The following STAU2 variants were observed in gnomAD, a reference collection of about 807,000 sequenced individuals.
STAU2 encodes double-stranded RNA-binding protein Staufen homolog 2.
In STAU2, 20 loss-of-function variants were observed where a neutral mutation model predicts 65.9. The observed-to-expected ratio is 0.30, with a 90% CI of 0.21 to 0.44. The LOEUF (loss-of-function observed/expected upper bound fraction) is 0.44. STAU2 is among the 20% of genes least tolerant of loss of function. The pLI is 1.00. For missense variants in STAU2, 558 were observed against 683.9 expected (o/e 0.82, Z 2.05); for synonymous variants, 232 against 233.9 (o/e 0.99, Z 0.07).
chr8:73,746,351 C>T (rs1286221622), intron 1 of STAU2, among the ~76,000 whole-genome samples: 1 of 151,728 alleles, frequency 6.6e-6, no homozygotes, highest in Non-Finnish European at 1.5e-5. Context: ...GCAGCCACAC[C>T]GTGGCTGCAC....
chr8:73,727,303 C>T (rs1012123758), intron 3 of STAU2, among the ~76,000 whole-genome samples: 11 of 152,152 alleles, frequency 7.2e-5, no homozygotes, highest in Non-Finnish European at 1.6e-4. Flanking sequence ...TGTACAACTA[C>T]CACCTATACC....
intron 13 of STAU2, among the ~76,000 whole-genome samples, chr8:73,494,967 C>T (rs960925702): frequency 2.2e-4 from 33 of 151,530 alleles, no homozygotes; most frequent in Admixed American, 2.0e-3. Context: ...TACTGCAAAG[C>T]CCAGAAGGTC....
intron 3 of STAU2, among the ~76,000 whole-genome samples, chr8:73,730,564 T>C (rs1805976333): frequency 6.6e-6 from 1 of 151,884 alleles, no homozygotes; most frequent in South Asian, 2.1e-4. Context: ...CCGTCTCTAC[T>C]AAAAATACAA....
rs562675856 is a variant in STAU2, at chr8:73,589,624, C to A, written c.1161+5542G>T. Among the ~76,000 whole-genome samples the A allele has an allele frequency of 1.4e-4, 21 of 152,214 alleles. No individual in the cohort carries two copies. The South Asian group carries it at 3.3e-3, about 24-fold the overall frequency. Reference sequence around the variant, plus strand: ...ATAATGCATTAATTCAGACTGCACACAGCTGAAGAAATATTGTTGAACTTG... The same window carrying A: ...ATAATGCATTAATTCAGACTGCACAAAGCTGAAGAAATATTGTTGAACTTG... On this transcript the variant is annotated intron_variant, in intron 11 of 14. Transcript: ENST00000524300.
At chr8:73,732,233 G>A (rs990067171) in intron 3 of STAU2, among the ~76,000 whole-genome samples, 2 of 152,184 alleles carry the variant, frequency 1.3e-5, no homozygotes, top group East Asian at 1.9e-4. Flanking sequence ...CCTCCCCATC[G>A]GGCCATTCAC....
chr8:73,600,171 C>T (rs1430339055), intron 10 of STAU2, among the ~76,000 whole-genome samples: 3 of 152,164 alleles, frequency 2.0e-5, no homozygotes, highest in Admixed American at 6.5e-5. Context: ...AAACAATGTA[C>T]AAATGATATA....
At chr8:73,505,233 A>C (rs1821996096) in intron 13 of STAU2, among the ~76,000 whole-genome samples, 1 of 151,510 alleles carries the variant, frequency 6.6e-6, no homozygotes, top group African/African-American at 2.4e-5. Context: ...AAATGGCAGA[A>C]GAGATTTTTT....
intron 13 of STAU2, among the ~76,000 whole-genome samples, chr8:73,428,413 C>A (rs1257316893): frequency 2.0e-5 from 3 of 152,036 alleles, no homozygotes; most frequent in Non-Finnish European, 4.4e-5. Flanking sequence ...ATTGTGAATA[C>A]TGTTGCAATA....
At chr8:73,668,681 T>C (rs1326216602) in intron 6 of STAU2, among the ~76,000 whole-genome samples, 1 of 152,112 alleles carries the variant, frequency 6.6e-6, no homozygotes, top group African/African-American at 2.4e-5. Context: ...CCTCAAATGA[T>C]AAAGAAAAAT....
At chr8:73,641,250 T>C (rs1210315048) in intron 6 of STAU2, among the ~76,000 whole-genome samples, 1 of 151,922 alleles carries the variant, frequency 6.6e-6, no homozygotes, top group African/African-American at 2.4e-5. Flanking sequence ...AACGAGCTAC[T>C]AGGGAGGCTG....
intron 13 of STAU2, among the ~76,000 whole-genome samples, chr8:73,536,452 C>CT (rs1331614683): frequency 4.6e-5 from 7 of 152,152 alleles, no homozygotes; most frequent in Non-Finnish European, 8.8e-5. Flanking sequence ...CAGGGAAACA[C>CT]CATGGAAAAA....
chr8:73,734,898 C>T (rs909691164), intron 3 of STAU2, among the ~76,000 whole-genome samples: 4 of 152,040 alleles, frequency 2.6e-5, no homozygotes, highest in South Asian at 2.1e-4. Flanking sequence ...TTGAAAATCA[C>T]GTAGTAAAAA....
At chr8:73,746,689 C>G (rs1807313617) in intron 1 of STAU2, 94 bp downstream of exon 1, 1 of 753,988 alleles carries the variant, frequency 1.3e-6, no homozygotes. Context: ...GTTCCCCGTG[C>G]TGCGGAACTG....
intron 13 of STAU2, among the ~76,000 whole-genome samples, chr8:73,429,532 G>T (rs1258370713): frequency 7.1e-6 from 1 of 140,082 alleles, no homozygotes; most frequent in Admixed American, 7.7e-5. Flanking sequence ...TCCCAAGCTC[G>T]AGTGATTCTC....
At chr8:73,517,462 A>C (rs1370742867) in intron 13 of STAU2, among the ~76,000 whole-genome samples, 1 of 147,204 alleles carries the variant, frequency 6.8e-6, no homozygotes, top group African/African-American at 2.5e-5. Flanking sequence ...ACTACTGATA[A>C]GCAGCATATG....
At chr8:73,535,459 G>A (rs1806121109) in intron 13 of STAU2, among the ~76,000 whole-genome samples, 1 of 152,260 alleles carries the variant, frequency 6.6e-6, no homozygotes, top group East Asian at 1.9e-4. Context: ...ATGAGCCACC[G>A]CCCCTGGCCG....
At chr8:73,614,028 T>C in intron 8 of STAU2, 72 bp from the exon 9 acceptor site, 5 of 1,283,854 alleles carry the variant, frequency 3.9e-6, no homozygotes, top group South Asian at 1.6e-5. Context: ...TGACTTAATA[T>C]TCATATCAAA....
intron 13 of STAU2, among the ~76,000 whole-genome samples, chr8:73,452,352 T>G (rs1818845715): frequency 6.6e-6 from 1 of 152,192 alleles, no homozygotes; most frequent in Admixed American, 6.5e-5. Context: ...TCAGGGCCAC[T>G]CTTGCAAACC....
rs537885437 is a variant in STAU2, at chr8:73,576,973, T to C, written c.1222+5797A>G. ...AATTTTAAACACCTTTTGATCCCCA[T>C]AGACCTCTTAGAATACACAGTACAT... On this transcript the variant is annotated intron_variant, in intron 12 of 14. Transcript: ENST00000524300. Among the ~76,000 whole-genome samples, 12 of 152,326 alleles carry C rather than the reference T, an allele frequency of 7.9e-5. No individual in the cohort carries two copies. The East Asian group carries it at 2.1e-3, about 27-fold the overall frequency.
Sources: allele counts gnomAD v4.1 joint callset (sites outside exome capture counted in the v4.1 genomes callset), GRCh38; gene constraint gnomAD v4.1.1; transcripts MANE v1.5; gene names NCBI Gene and HGNC (gene_info 2026-07-23, HGNC 2026-07-21).